Variants in MRPS11 observed in about 807,000 individuals in gnomAD.
The protein encoded by MRPS11 is mitochondrial ribosomal protein S11.
A neutral mutation model predicts 24.3 loss-of-function variants in MRPS11; 27 were observed. That is an observed-to-expected ratio of 1.11 (90% CI 0.82 to 1.53). The LOEUF is 1.53. MRPS11 is among the 40% of genes most tolerant of loss of function. The pLI is 0.00. For missense variants in MRPS11, 277 were observed against 256.5 expected, an observed-to-expected ratio of 1.08 and a Z score of -0.55; for synonymous variants, 104 against 98.7, an observed-to-expected ratio of 1.05 and a Z score of -0.32.
Position 88,477,866 on chromosome 15 carries a change from T to C in MRPS11, c.478-6T>C. The C allele has an allele frequency of 6.2e-7, 1 of 1,613,076 alleles. No individual in the cohort carries two copies. The highest frequency in any genetic ancestry group is 8.5e-7 in the Non-Finnish European group (1 of 1,179,066). ...GTCATTCTACTTTTCCTTCTGTTCC[T>C]TCCAGTCTGCCATGCACGGACTGAT... is the stretch of plus-strand genomic sequence containing the variant. On this transcript the variant is annotated splice_region_variant and splice_polypyrimidine_tract_variant and intron_variant, in intron 5 of 5. Transcript: ENST00000325844. The surrounding 1 kb of genome is among the most constrained non-coding windows in gnomAD (Gnocchi z 5.7).
In MRPS11 at chr15:88,477,010, A is replaced by G; in HGVS notation, c.433A>G (p.Ile145Val). Residue 145 changes from isoleucine (I) to valine (V), a missense_variant, in exon 5 of 6, where the codon ATC (isoleucine) becomes GTC (valine). Transcript: ENST00000325844. The surrounding 1 kb of genome is among the most constrained non-coding windows in gnomAD (Gnocchi z 5.7). ...AAARAKQKGVIHIRVVVKGLG... is the reference protein window; with the variant it reads ...AAARAKQKGVVHIRVVVKGLG... ...CCAGAGAGCTAAACAAAAGGGCGTG[A>G]TCCACATCCGAGTTGTGGTGAAAGG... The G allele has an allele frequency of 6.2e-7, 1 of 1,614,050 alleles. No homozygotes were observed. Among genetic ancestry groups the G allele is most frequent in the Non-Finnish European group, 8.5e-7 (1 of 1,179,998 alleles).
chr15:88,472,700 G>A lies in MRPS11; in HGVS notation c.256G>A (p.Ala86Thr). Residue 86 changes from alanine (A) to threonine (T), a missense_variant, in exon 3 of 6, where the codon GCA becomes ACA. Coordinates refer to ENST00000325844, the MANE Select transcript of MRPS11 (RefSeq NM_022839.5). Reference sequence around the variant, plus strand: ...AAAGAAATTTGAGGAGATCCCAATTGCACACATTAAAGCATCCCACAACAA... The same window carrying A: ...AAAGAAATTTGAGGAGATCCCAATTACACACATTAAAGCATCCCACAACAA... Reference protein sequence around the residue: ...AGKKFEEIPIAHIKASHNNTQ... With the variant: ...AGKKFEEIPITHIKASHNNTQ... 6.2e-7 allele frequency: 1 copy of A among 1,613,898 alleles called. No homozygotes were observed. Among genetic ancestry groups the A allele is most frequent in the Non-Finnish European group, 8.5e-7 (1 of 1,179,864 alleles).
intron 2 of MRPS11, chr15:88,468,481 C>T (rs1178535989): frequency 1.4e-5 from 14 of 1,017,330 alleles, no homozygotes; most frequent in African/African-American, 5.1e-5. Flanking sequence ...GTGCCACCAC[C>T]TCTGTATGCT....
intron 4 of MRPS11, among the ~76,000 whole-genome samples, chr15:88,476,026 C>A (rs1344217808): frequency 1.3e-5 from 2 of 152,098 alleles, no homozygotes; most frequent in African/African-American, 4.8e-5. Flanking sequence ...TTGGAGAGGA[C>A]ATAGTATCGT....
rs1268850774 is a variant in MRPS11 at position 88,469,962 on chromosome 15, GT to G, written c.182+1940del. 6.6e-6 allele frequency among the ~76,000 whole-genome samples: 1 copy of G among 152,186 alleles called. No homozygotes were observed. The highest frequency in any genetic ancestry group is 1.5e-5 in the Non-Finnish European group (1 of 68,028). On this transcript the variant is annotated intron_variant, in intron 2 of 5. Coordinates refer to ENST00000325844, the MANE Select transcript of MRPS11 (RefSeq NM_022839.5). The surrounding 1 kb of genome is among the most constrained non-coding windows in gnomAD (Gnocchi z 4.4). ...GAAGACTGCAGGAGTTTGGATGGGA[GT>G]TGTTAAGGTTGAGATTCTTAATAAA...
In MRPS11 at chr15:88,468,003, C is replaced by A. The variant is rs761489372; in HGVS notation, c.161C>A (p.Ala54Asp). 80 of 1,604,980 alleles carry A rather than the reference C, an allele frequency of 5.0e-5. No homozygotes were observed. Among genetic ancestry groups the A allele is most frequent in the Non-Finnish European group, 6.2e-5 (73 of 1,176,168 alleles). Reference sequence around the variant, plus strand: ...AAGCAGAAAGTTGAACAGAACGCGGCTCCCAGCCACACCAAGTTCAGGTGA... The same window carrying A: ...AAGCAGAAAGTTGAACAGAACGCGGATCCCAGCCACACCAAGTTCAGGTGA... ...AAKQKVEQNA[A>D]PSHTKFSIYP... The change falls in exon 2 of 6, where the codon GCT becomes GAT. Residue 54 changes from alanine to aspartate, a missense_variant. Physicochemically the swap from Ala to Asp is moderately radical, Grantham distance 126. Coordinates refer to ENST00000325844, the MANE Select transcript of MRPS11 (RefSeq NM_022839.5).
chr15:88,470,038 C>T (rs1029732232), intron 2 of MRPS11, among the ~76,000 whole-genome samples: 5 of 152,194 alleles, frequency 3.3e-5, no homozygotes, highest in South Asian at 2.1e-4. Flanking sequence ...GCTCAAGGGC[C>T]GGGCGCGGTG....
In MRPS11 at chr15:88,480,155, AC is replaced by A. The variant is rs2055903006; in HGVS notation, c.*2177del. 1 of 152,316 alleles carries A rather than the reference AC, an allele frequency of 6.6e-6. No homozygotes were observed. The highest frequency in any genetic ancestry group is 6.5e-5 in the Admixed American group (1 of 15,282). The allele number at this position is 152,316 out of a possible 1,614,324, so 9.4% of individuals were successfully genotyped here. A position where few individuals can be genotyped will look rare whatever the true frequency, so the allele number is the denominator to read the frequency against. ...GGCTGCAGAGTGGATCTGGAGGGGC[AC>A]GTAGAGGATAGTAAACACAGGAGGC... On this transcript the variant is annotated 3_prime_UTR_variant, in exon 6 of 6. Transcript: ENST00000325844. The surrounding 1 kb of genome is among the most constrained non-coding windows in gnomAD (Gnocchi z 5.1).
At position 88,467,717 on chromosome 15, in the gene MRPS11, C is replaced by G; in HGVS notation, c.-1C>G. On this transcript the variant is annotated 5_prime_UTR_variant, in exon 1 of 6. Transcript: ENST00000325844. ...GAAACTGACTGGGGTCAATTCAAGT[C>G]ATGCAGGCTGTGAGAAACGCGGGGT... 1 of 1,614,142 alleles carries G rather than the reference C, an allele frequency of 6.2e-7. No homozygotes were observed. Among genetic ancestry groups the G allele is most frequent in the Non-Finnish European group, 8.5e-7 (1 of 1,180,024 alleles).
At chr15:88,476,936 T>C in intron 4 of MRPS11, 53 bp from the exon 5 acceptor site, 1 of 1,578,418 alleles carries the variant, frequency 6.3e-7, no homozygotes, top group Non-Finnish European at 8.7e-7. Context: ...TAGCAAGAGA[T>C]TTGGATGCAG....
rs1462046984 is a variant in MRPS11 at position 88,469,218 on chromosome 15, G to A, written c.182+1194G>A. The A allele has an allele frequency of 2.0e-5, 3 of 152,120 alleles. No homozygotes were observed. Among genetic ancestry groups the A allele is most frequent in the Non-Finnish European group, 4.4e-5 (3 of 68,022 alleles). The allele number at this position is 152,120 out of a possible 1,614,324, so 9.4% of individuals were successfully genotyped here. A position where few individuals can be genotyped will look rare whatever the true frequency, so the allele number is the denominator to read the frequency against. On this transcript the variant is annotated intron_variant, in intron 2 of 5. Transcript: ENST00000325844. This position sits in a 1 kb window ranked among gnomAD's most constrained non-coding sequence, Gnocchi z 4.4. ...CAGGTGTGTATGTGATGGCAGATGA[G>A]GCCAACAAGACAAGAAGGCATCAGA...
intron 3 of MRPS11, among the ~76,000 whole-genome samples, chr15:88,474,475 C>G (rs978144149): frequency 2.6e-5 from 4 of 151,348 alleles, no homozygotes; most frequent in Non-Finnish European, 5.9e-5. Flanking sequence ...AGAAGAATCA[C>G]TTGAACCCGG....
chr15:88,477,861 G>C lies in MRPS11; in HGVS notation c.478-11G>C. 6.2e-7 allele frequency: 1 copy of C among 1,611,840 alleles called. No homozygotes were observed. The highest frequency in any genetic ancestry group is 8.5e-7 in the Non-Finnish European group (1 of 1,178,126). On this transcript the variant is annotated splice_polypyrimidine_tract_variant and intron_variant, in intron 5 of 5. Transcript: ENST00000325844. This position sits in a 1 kb window ranked among gnomAD's most constrained non-coding sequence, Gnocchi z 5.7. The stretch of plus-strand genomic sequence containing the variant: ...ACCATGTCATTCTACTTTTCCTTCT[G>C]TTCCTTCCAGTCTGCCATGCACGGA...
At chr15:88,470,691 T>G (rs988224900) in intron 2 of MRPS11, among the ~76,000 whole-genome samples, 2 of 152,202 alleles carry the variant, frequency 1.3e-5, no homozygotes, top group Non-Finnish European at 2.9e-5. Context: ...TGGAGTTAGT[T>G]GGATTAAAGC....
In MRPS11 at chr15:88,479,509, G is replaced by A. The variant is rs1329657274; in HGVS notation, c.*1530G>A. ...AGGCTGTGTTAGGACAAAGAAAGGA[G>A]GAAGATCACGAACCAAGACATGAAT... On this transcript the variant is annotated 3_prime_UTR_variant, in exon 6 of 6. Transcript: ENST00000325844. 2 of 152,188 alleles carry A rather than the reference G, an allele frequency of 1.3e-5. No homozygotes were observed. Among genetic ancestry groups the A allele is most frequent in the African/African-American group, 4.8e-5 (2 of 41,434 alleles). The allele number at this position is 152,188 out of a possible 1,614,324, so 9.4% of individuals were successfully genotyped here. A position where few individuals can be genotyped will look rare whatever the true frequency, so the allele number is the denominator to read the frequency against.
intron 2 of MRPS11, among the ~76,000 whole-genome samples, chr15:88,470,257 G>T (rs1013353831): frequency 6.6e-6 from 1 of 152,196 alleles, no homozygotes; most frequent in African/African-American, 2.4e-5. Flanking sequence ...GGAGGTTGCA[G>T]TGAGCCAAGA....
intron 2 of MRPS11, chr15:88,472,362 G>A: frequency 2.7e-6 from 1 of 373,016 alleles, no homozygotes; most frequent in Non-Finnish European, 5.0e-6. Flanking sequence ...CAGGGACAAG[G>A]AAGATGGGGA....
At chr15:88,471,777 A>C (rs911693215) in intron 2 of MRPS11, among the ~76,000 whole-genome samples, 1 of 152,252 alleles carries the variant, frequency 6.6e-6, no homozygotes, top group African/African-American at 2.4e-5. Context: ...TTGGACTAAG[A>C]CAGTGGAAGA....
intron 2 of MRPS11, chr15:88,468,248 CA>C (rs1385206108): frequency 1.5e-6 from 2 of 1,376,348 alleles, no homozygotes; most frequent in Non-Finnish European, 1.9e-6. Flanking sequence ...GTTCAGTGAA[CA>C]TTCGTTAAAT....
Sources: allele counts gnomAD v4.1 joint callset (sites outside exome capture counted in the v4.1 genomes callset), GRCh38; gene constraint gnomAD v4.1.1; non-coding constraint Gnocchi (gnomAD v3.1); transcripts MANE v1.5; gene names NCBI Gene and HGNC (gene_info 2026-07-23, HGNC 2026-07-21).